FRMPD4: variants seen among roughly 807,000 people sequenced by gnomAD.
FRMPD4 encodes the protein FERM and PDZ domain-containing protein 4.
In FRMPD4, 22 loss-of-function variants were observed where a neutral mutation model predicts 94.1. The ratio of observed to expected loss-of-function variants is 0.23; its 90% CI spans 0.17 to 0.33. FRMPD4 has a LOEUF of 0.33. Among genes scored for constraint, FRMPD4 ranks in the 10% least tolerant of loss-of-function variants. The pLI, the probability that FRMPD4 is intolerant of heterozygous loss-of-function variation, is 1.00. For synonymous variants in FRMPD4, 631 were observed against 548.6 expected, an observed-to-expected ratio of 1.15 and a Z score of -2.10; for missense variants, 1,111 against 1,339.9, an observed-to-expected ratio of 0.83 and a Z score of 2.67.
chrX:11,825,771 T>G (rs1030503456), intron 1 of FRMPD4, among the ~76,000 whole-genome samples: 1 of 112,243 alleles, frequency 8.9e-6, no homozygotes, highest in Non-Finnish European at 1.9e-5. Flanking sequence ...GCTACAGTTA[T>G]GTAAGATGTT....
rs2054102705 is a variant in FRMPD4, at chrX:11,928,622, G to A, written c.95+50604G>A. Among the ~76,000 whole-genome samples, 5 of 112,335 alleles carry A rather than the reference G, an allele frequency of 4.5e-5. No individual in the cohort carries two copies. The South Asian group carries it at 1.9e-3, about 42-fold the overall frequency. ...AAGTAAAAAAATAATAGATACTTGT[G>A]AGTCTGTAAAGAAAAAGGAATGCTT... On this transcript the variant is annotated intron_variant, in intron 3 of 18. Coordinates refer to the FRMPD4 transcript ENST00000640291.
chrX:12,266,160 A>AAAAAAG lies in FRMPD4; in HGVS notation c.41+127149_41+127150insAAAAGA, dbSNP rs1569211566. On this transcript the variant is annotated intron_variant, in intron 1 of 16. Coordinates refer to ENST00000675598, the MANE Select transcript of FRMPD4 (RefSeq NM_001368397.1). ...AAAAAAAAAAAAAAAAAAAAAAAAA[A>AAAAAAG]AGAGAAAACAAAAAATGAACAGGCC... is the stretch of plus-strand genomic sequence containing the variant. Among the ~76,000 whole-genome samples the AAAAAAG allele has an allele frequency of 3.9e-4, 40 of 103,782 alleles. 2 individuals are homozygous for AAAAAAG. Among genetic ancestry groups the AAAAAAG allele is most frequent in the African/African-American group, 1.4e-3 (38 of 26,635 alleles). The allele number at this position is 103,782 out of a possible 115,157, so 90.1% of individuals were successfully genotyped here.
chrX:11,992,775 C>T (rs903354661), intron 3 of FRMPD4, among the ~76,000 whole-genome samples: 2 of 110,650 alleles, frequency 1.8e-5, no homozygotes, highest in African/African-American at 6.6e-5. Context: ...CCTCTAGCAG[C>T]ATGGTGGCCT....
At chrX:12,568,548 T>G (rs770907808) in intron 2 of FRMPD4, among the ~76,000 whole-genome samples, 14 of 112,544 alleles carry the variant, frequency 1.2e-4, no homozygotes, top group African/African-American at 4.2e-4. Context: ...ATATGATTTT[T>G]AAATGATAAA....
intron 1 of FRMPD4, among the ~76,000 whole-genome samples, chrX:12,141,017 C>A (rs1347077818): frequency 1.8e-5 from 2 of 111,759 alleles, no homozygotes; most frequent in Non-Finnish European, 3.8e-5. Flanking sequence ...CGAGGATGGT[C>A]CCCGTGCTGA....
At chrX:12,248,221 C>G (rs958732875) in intron 1 of FRMPD4, among the ~76,000 whole-genome samples, 5 of 112,440 alleles carry the variant, frequency 4.4e-5, no homozygotes, top group African/African-American at 1.6e-4. Flanking sequence ...TTTCCACTCT[C>G]AAGTCTCACT....
intron 3 of FRMPD4, among the ~76,000 whole-genome samples, chrX:11,974,132 G>T (rs2054355031): frequency 9.0e-6 from 1 of 111,382 alleles, no homozygotes; most frequent in Non-Finnish European, 1.9e-5. Context: ...GTTCAATATG[G>T]CTATAGTTTG....
At chrX:12,166,168 T>G (rs1277187449) in intron 1 of FRMPD4, among the ~76,000 whole-genome samples, 1 of 112,134 alleles carries the variant, frequency 8.9e-6, no homozygotes, top group East Asian at 2.8e-4. Flanking sequence ...GTCCATTCAG[T>G]ATGATATTGG....
At chrX:12,353,542 C>T (rs1027760540) in intron 1 of FRMPD4, among the ~76,000 whole-genome samples, 2 of 111,828 alleles carry the variant, frequency 1.8e-5, no homozygotes, top group Admixed American at 1.9e-4. Context: ...AATTATCAAC[C>T]CTTAAGCTTC....
At chrX:12,423,196 G>A (rs764804896) in intron 1 of FRMPD4, among the ~76,000 whole-genome samples, 7 of 109,790 alleles carry the variant, frequency 6.4e-5, no homozygotes, top group Non-Finnish European at 1.1e-4. Context: ...CCAAGATCGC[G>A]CCACTACACG....
intron 1 of FRMPD4, among the ~76,000 whole-genome samples, chrX:12,349,351 A>AT (rs1471590398): frequency 9.0e-6 from 1 of 110,900 alleles, no homozygotes; most frequent in Non-Finnish European, 1.9e-5. Flanking sequence ...AAAGAATCCT[A>AT]TAAGTCCCGA....
intron 5 of FRMPD4, among the ~76,000 whole-genome samples, chrX:12,676,470 G>A (rs1256129024): frequency 3.6e-5 from 4 of 112,348 alleles, no homozygotes; most frequent in African/African-American, 1.3e-4. Context: ...GGAACTTCAC[G>A]TTTGCATTGT....
chrX:12,022,257 T>C (rs2054635659), intron 3 of FRMPD4, among the ~76,000 whole-genome samples: 1 of 112,370 alleles, frequency 8.9e-6, no homozygotes, highest in Admixed American at 9.4e-5. Flanking sequence ...TTTTTGCTAG[T>C]ATTTCAACTA....
intron 2 of FRMPD4, among the ~76,000 whole-genome samples, chrX:12,599,221 G>A (rs1431345243): frequency 1.8e-5 from 2 of 110,764 alleles, no homozygotes; most frequent in African/African-American, 6.6e-5. Flanking sequence ...AAACTCTCAG[G>A]CCTAAAATGA....
At chrX:11,880,564 C>T (rs1205099402) in intron 3 of FRMPD4, among the ~76,000 whole-genome samples, 1 of 111,882 alleles carries the variant, frequency 8.9e-6, no homozygotes, top group Non-Finnish European at 1.9e-5. Context: ...TAGTTTAATA[C>T]TTCTGTCCTG....
intron 3 of FRMPD4, among the ~76,000 whole-genome samples, chrX:12,099,439 C>T (rs1020014613): frequency 3.6e-5 from 4 of 111,805 alleles, no homozygotes; most frequent in African/African-American, 6.5e-5. Context: ...TTTGACAATA[C>T]ATTGGATGTT....
At chrX:12,011,848 G>A (rs1333065132) in intron 3 of FRMPD4, among the ~76,000 whole-genome samples, 6 of 109,661 alleles carry the variant, frequency 5.5e-5, no homozygotes, top group Non-Finnish European at 1.1e-4. Context: ...TTATTTCTTT[G>A]CTTGTTTCTA....
intron 3 of FRMPD4, among the ~76,000 whole-genome samples, chrX:11,954,969 A>G (rs1225387544): frequency 1.8e-5 from 2 of 111,386 alleles, no homozygotes; most frequent in East Asian, 5.6e-4. Context: ...CTATAATAAA[A>G]TATCATAAAC....
rs1003827972 is a variant in FRMPD4, at chrX:12,408,302, G to A, written c.42-90378G>A. The stretch of plus-strand genomic sequence containing the variant: ...ACTTGCTTTGGTTCCATCCAAGATG[G>A]AGCTGCTTTAGCCTTTACAATATCA... On this transcript the variant is annotated intron_variant, in intron 1 of 16. Coordinates refer to ENST00000675598, the MANE Select transcript of FRMPD4 (RefSeq NM_001368397.1). Among the ~76,000 whole-genome samples the A allele has an allele frequency of 2.8e-5, 3 of 107,578 alleles. No homozygotes were observed. In the East Asian group the frequency reaches 8.6e-4, roughly 31 times the overall value. 93.4% of individuals were successfully genotyped at this position (107,578 alleles called of 115,157 possible).
Sources: allele counts gnomAD v4.1 joint callset (sites outside exome capture counted in the v4.1 genomes callset), GRCh38; gene constraint gnomAD v4.1.1; transcripts MANE v1.5; gene names NCBI Gene and HGNC (gene_info 2026-07-23, HGNC 2026-07-21).